PFDN1: variants seen among roughly 807,000 people sequenced by gnomAD.
The protein encoded by PFDN1 is prefoldin subunit 1.
PFDN1 carries 6 observed loss-of-function variants against 17.3 expected under a neutral mutation model. The observed-to-expected ratio is 0.35, with a 90% CI of 0.19 to 0.69. The LOEUF is 0.69. PFDN1 is among the 30% of genes least tolerant of loss of function. The pLI, the probability that PFDN1 is intolerant of heterozygous loss-of-function variation, is 0.65. For missense variants in PFDN1, 113 were observed against 146.2 expected (o/e 0.77, Z 1.17); for synonymous variants, 58 against 50.1 (o/e 1.16, Z -0.67).
Position 140,281,683 on chromosome 5 carries a change from T to G in PFDN1, c.201-150A>C, listed in dbSNP as rs1765404265. On this transcript the variant is annotated intron_variant, in intron 2 of 3. Coordinates refer to ENST00000261813, the MANE Select transcript of PFDN1 (RefSeq NM_002622.5). ...GTCAAGCTCAGGAAACCACCAGAAGTTTAAACCTTCTTGGCTGAGAAGGAA... is the reference window on the plus strand; with the variant it reads ...GTCAAGCTCAGGAAACCACCAGAAGGTTAAACCTTCTTGGCTGAGAAGGAA... 26 of 615,186 alleles carry G rather than the reference T, an allele frequency of 4.2e-5. No individual in the cohort carries two copies. In the South Asian group the frequency reaches 4.6e-4, roughly 11 times the overall value. The allele number at this position is 615,186 out of a possible 1,614,324, so 38.1% of individuals were successfully genotyped here.
At chr5:140,301,709 C>A (rs994190818) in intron 1 of PFDN1, among the ~76,000 whole-genome samples, 1 of 152,144 alleles carries the variant, frequency 6.6e-6, no homozygotes, top group Non-Finnish European at 1.5e-5. Context: ...TTTGCATTCA[C>A]CGCCCGCAAG....
chr5:140,271,895 GCTAAA>G (rs761171085), intron 3 of PFDN1, among the ~76,000 whole-genome samples: 2 of 150,440 alleles, frequency 1.3e-5, no homozygotes, highest in South Asian at 2.1e-4. Context: ...TCAGAAACAA[GCTAAA>G]CTAAATTATA....
rs190422840 is a variant in PFDN1, at chr5:140,287,230, A to C, written c.201-5697T>G. On this transcript the variant is annotated intron_variant, in intron 2 of 3. Transcript: ENST00000261813. The stretch of plus-strand genomic sequence containing the variant: ...CTGGATGGTAGGAGCCGGGTTTCTC[A>C]TATGAGAGAGAAGTTACAGATACGC... 1.4e-3 allele frequency among the ~76,000 whole-genome samples: 220 copies of C among 152,334 alleles called. 1 individual carries two copies. The highest frequency in any genetic ancestry group is 5.1e-3 in the African/African-American group (212 of 41,570).
At chr5:140,262,556 T>C (rs1337158372) in intron 3 of PFDN1, 3 of 456,074 alleles carry the variant, frequency 6.6e-6, no homozygotes, top group African/African-American at 4.0e-5. Flanking sequence ...TTGAGTCCAC[T>C]GACCAGCCCT....
At chr5:140,246,661 C>CT (rs1417925784) in intron 3 of PFDN1, among the ~76,000 whole-genome samples, 1 of 152,190 alleles carries the variant, frequency 6.6e-6, no homozygotes, top group Non-Finnish European at 1.5e-5. Context: ...CTTTTGGAGG[C>CT]TTACCTTCTA....
intron 3 of PFDN1, among the ~76,000 whole-genome samples, chr5:140,271,393 G>T (rs1333945153): frequency 6.6e-6 from 1 of 152,108 alleles, no homozygotes; most frequent in East Asian, 1.9e-4. Flanking sequence ...CCCAATATAT[G>T]CACAATAAGA....
chr5:140,259,453 CCAA>C lies in PFDN1; in HGVS notation c.286-13399_286-13397del, dbSNP rs1021737908. ...TATACATTACTTTTCTTCTGTTTTG[CCAA>C]CATCAAAAAGTCAAGTGCTCTTCAA... is the stretch of plus-strand genomic sequence containing the variant. On this transcript the variant is annotated intron_variant, in intron 3 of 3. Coordinates refer to ENST00000261813, the MANE Select transcript of PFDN1 (RefSeq NM_002622.5). Among the ~76,000 whole-genome samples, 7 of 152,270 alleles carry C rather than the reference CCAA, an allele frequency of 4.6e-5. No homozygotes were observed. The East Asian group carries it at 1.3e-3, about 29-fold the overall frequency.
intron 3 of PFDN1, among the ~76,000 whole-genome samples, chr5:140,271,038 T>G (rs758607449): frequency 9.2e-5 from 14 of 152,170 alleles, no homozygotes; most frequent in Non-Finnish European, 1.5e-4. Context: ...TTGGGCAAAT[T>G]TTAGCACTTG....
At chr5:140,263,549 G>A (rs1765091851) in intron 3 of PFDN1, among the ~76,000 whole-genome samples, 1 of 152,050 alleles carries the variant, frequency 6.6e-6, no homozygotes, top group Admixed American at 6.5e-5. Flanking sequence ...TTTTACGGAC[G>A]AGTGTATTTA....
At chr5:140,278,557 CAAAAAAAAAAAAAAAAA>C (rs113129230) in intron 3 of PFDN1, among the ~76,000 whole-genome samples, 1 of 79,006 alleles carries the variant, frequency 1.3e-5, no homozygotes, top group Non-Finnish European at 2.3e-5. Context: ...GACTCTGTCT[CAAAAAAAAAAAAAAAAA>C]AAAAAAAAAA....
chr5:140,301,750 C>G (rs1305977903), intron 1 of PFDN1, among the ~76,000 whole-genome samples: 1 of 152,094 alleles, frequency 6.6e-6, no homozygotes, highest in East Asian at 1.9e-4. Flanking sequence ...TCAAAAGTAC[C>G]GGGAGGCAAA....
At chr5:140,281,356 T>G (rs2126693092) in intron 3 of PFDN1, 93 bp downstream of exon 3, 1 of 655,008 alleles carries the variant, frequency 1.5e-6, no homozygotes, top group East Asian at 2.7e-5. Context: ...ATGACATTAC[T>G]TTGGCAGGCA....
chr5:140,293,740 T>A (rs1373522929), intron 2 of PFDN1, among the ~76,000 whole-genome samples: 1 of 152,018 alleles, frequency 6.6e-6, no homozygotes. Flanking sequence ...AACATCAAGT[T>A]TTTAAATCAC....
chr5:140,294,542 C>T (rs1765625574), intron 2 of PFDN1, among the ~76,000 whole-genome samples: 1 of 151,994 alleles, frequency 6.6e-6, no homozygotes, highest in Non-Finnish European at 1.5e-5. Flanking sequence ...TTACTAAATG[C>T]CACGATTCAA....
At chr5:140,276,945 G>A (rs1457279108) in intron 3 of PFDN1, among the ~76,000 whole-genome samples, 1 of 152,038 alleles carries the variant, frequency 6.6e-6, no homozygotes, top group Non-Finnish European at 1.5e-5. Flanking sequence ...GTTGGGCACA[G>A]TGGCTCACTC....
intron 3 of PFDN1, among the ~76,000 whole-genome samples, chr5:140,270,182 A>C (rs1044494757): frequency 1.3e-4 from 20 of 152,248 alleles, no homozygotes; most frequent in Admixed American, 1.2e-3. Context: ...CATGAAAGAA[A>C]ATCCAAAGTC....
intron 3 of PFDN1, among the ~76,000 whole-genome samples, chr5:140,253,937 A>G (rs568906130): frequency 6.6e-6 from 1 of 152,198 alleles, no homozygotes; most frequent in African/African-American, 2.4e-5. Context: ...CTGGGGATGG[A>G]CTACAGCAAT....
intron 3 of PFDN1, among the ~76,000 whole-genome samples, chr5:140,248,100 G>A (rs546004306): frequency 1.2e-4 from 17 of 140,268 alleles, no homozygotes; most frequent in Middle Eastern, 4.0e-3. Context: ...ACGGAATCTC[G>A]CACTGTTGCC....
intron 2 of PFDN1, among the ~76,000 whole-genome samples, chr5:140,288,620 A>G (rs1021778572): frequency 1.1e-4 from 17 of 152,202 alleles, no homozygotes; most frequent in African/African-American, 3.9e-4. Flanking sequence ...TGTGGGAGAG[A>G]GTGGAAAGGG....
Sources: allele counts gnomAD v4.1 joint callset (sites outside exome capture counted in the v4.1 genomes callset), GRCh38; gene constraint gnomAD v4.1.1; transcripts MANE v1.5; gene names NCBI Gene and HGNC (gene_info 2026-07-23, HGNC 2026-07-21).